The following RELN variants were observed in gnomAD, a reference collection of about 807,000 sequenced individuals.
RELN encodes reelin.
Under a neutral mutation model 427.6 loss-of-function variants are expected in RELN, and 108 were observed. The observed-to-expected ratio is 0.25, with a 90% CI of 0.22 to 0.30. The LOEUF is 0.30. Among genes scored for constraint, RELN ranks in the 10% least tolerant of loss-of-function variants. The pLI is 1.00. For synonymous variants in RELN, 1,524 were observed against 1,513.4 expected, an observed-to-expected ratio of 1.01 and a Z score of -0.16; for missense variants, 3,715 against 4,302.8, an observed-to-expected ratio of 0.86 and a Z score of 3.82.
At chr7:103,699,916 G>C (rs1834055780) in intron 9 of RELN, among the ~76,000 whole-genome samples, 1 of 151,962 alleles carries the variant, frequency 6.6e-6, no homozygotes, top group African/African-American at 2.4e-5. Context: ...TTTTTGGTTA[G>C]ACTAAAGATT....
At chr7:103,554,201 C>T (rs59188794) in intron 38 of RELN, among the ~76,000 whole-genome samples, 6,428 of 144,350 alleles carry the variant, frequency 0.045, 439 homozygotes, top group African/African-American at 0.15. Context: ...AAGAACCACA[C>T]AAACCACCCC....
intron 8 of RELN, among the ~76,000 whole-genome samples, chr7:103,709,354 T>C (rs1480414500): frequency 4.6e-5 from 7 of 152,176 alleles, no homozygotes; most frequent in African/African-American, 1.7e-4. Context: ...GGTGACAAAA[T>C]AAGCTACAAG....
intron 19 of RELN, among the ~76,000 whole-genome samples, chr7:103,631,074 AG>A (rs201913890): frequency 0.04 from 6,090 of 151,890 alleles, 167 homozygotes; most frequent in East Asian, 0.14. Context: ...AAAGTTATTT[AG>A]AAAAATAATT....
At chr7:103,744,157 A>G (rs1790751263) in intron 6 of RELN, among the ~76,000 whole-genome samples, 1 of 152,216 alleles carries the variant, frequency 6.6e-6, no homozygotes, top group African/African-American at 2.4e-5. Context: ...CTGCTCCTGA[A>G]TGACTACTGG....
intron 50 of RELN, among the ~76,000 whole-genome samples, chr7:103,512,371 T>C (rs1829447364): frequency 6.6e-6 from 1 of 152,358 alleles, no homozygotes; most frequent in African/African-American, 2.4e-5. Context: ...AATACTGTTA[T>C]AAATTTACCT....
intron 53 of RELN, among the ~76,000 whole-genome samples, chr7:103,500,029 C>T (rs1434895023): frequency 1.3e-5 from 2 of 152,108 alleles, no homozygotes. Flanking sequence ...AATGACAGAA[C>T]AGGTTTGATT....
intron 1 of RELN, among the ~76,000 whole-genome samples, chr7:103,975,340 C>G (rs1018025137): frequency 6.6e-6 from 1 of 151,978 alleles, no homozygotes; most frequent in Non-Finnish European, 1.5e-5. Flanking sequence ...GGAATAGAAG[C>G]AAAACAGGCA....
At chr7:103,970,296 C>A (rs1437972889) in intron 1 of RELN, among the ~76,000 whole-genome samples, 1 of 151,790 alleles carries the variant, frequency 6.6e-6, no homozygotes. Context: ...GCACATACCA[C>A]CATGCCGGGC....
chr7:103,511,048 A>G (rs1829394481), intron 50 of RELN, 43 bp from the exon 51 acceptor site: 1 of 1,502,416 alleles, frequency 6.7e-7, no homozygotes, highest in Non-Finnish European at 9.2e-7. Context: ...TTTGTGACAA[A>G]AATACTTGAA....
At chr7:103,762,055 C>T (rs202029039) in intron 4 of RELN, among the ~76,000 whole-genome samples, 1 of 146,528 alleles carries the variant, frequency 6.8e-6, no homozygotes, top group South Asian at 2.1e-4. Flanking sequence ...TTCTTTATTT[C>T]TTTATTTCTC....
intron 46 of RELN, among the ~76,000 whole-genome samples, chr7:103,524,350 G>A (rs1164069567): frequency 6.6e-6 from 1 of 152,106 alleles, no homozygotes. Flanking sequence ...AAAAAAGAGA[G>A]AGCATAATAA....
At chr7:103,586,028 T>C (rs1831261977) in intron 28 of RELN, among the ~76,000 whole-genome samples, 1 of 152,102 alleles carries the variant, frequency 6.6e-6, no homozygotes. Context: ...TGATACGATA[T>C]AAACCCTCAA....
At chr7:103,650,495 T>C in intron 15 of RELN, 112 bp from the exon 16 acceptor site, 1 of 756,896 alleles carries the variant, frequency 1.3e-6, no homozygotes, top group Non-Finnish European at 2.4e-6. Context: ...GCACTAAAGT[T>C]TACCAATAAA....
chr7:103,833,385 A>C, intron 3 of RELN, 152 bp downstream of exon 3: 1 of 782,978 alleles, frequency 1.3e-6, no homozygotes, highest in African/African-American at 1.7e-5. Flanking sequence ...TTTTTAAAAA[A>C]GTTTTTACCT....
intron 16 of RELN, among the ~76,000 whole-genome samples, chr7:103,644,214 G>A (rs1019708585): frequency 6.6e-6 from 1 of 151,716 alleles, no homozygotes; most frequent in Non-Finnish European, 1.5e-5. Flanking sequence ...AAAACAGAGT[G>A]TTAAAAAATC....
intron 2 of RELN, among the ~76,000 whole-genome samples, chr7:103,834,206 A>G (rs1490815380): frequency 6.6e-6 from 1 of 152,140 alleles, no homozygotes; most frequent in East Asian, 1.9e-4. Context: ...CAGTCTTTTC[A>G]CTGAGTATCT....
intron 63 of RELN, among the ~76,000 whole-genome samples, chr7:103,478,875 A>T (rs1219443911): frequency 6.6e-6 from 1 of 152,170 alleles, no homozygotes; most frequent in African/African-American, 2.4e-5. Flanking sequence ...TAATATGCTC[A>T]TTTCCGTAAA....
chr7:103,576,023 G>A (rs905724058), intron 28 of RELN, among the ~76,000 whole-genome samples: 1 of 152,040 alleles, frequency 6.6e-6, no homozygotes, highest in African/African-American at 2.4e-5. Context: ...ACAAGGTCAG[G>A]AGATTGAGAC....
At chr7:103,782,162 A>G (rs1162260192) in intron 3 of RELN, among the ~76,000 whole-genome samples, 2 of 152,182 alleles carry the variant, frequency 1.3e-5, no homozygotes, top group African/African-American at 4.8e-5. Flanking sequence ...CTCCAAAATG[A>G]AGAAAGTTCA....
Sources: gnomAD v4.1 joint callset for allele counts (sites outside exome capture counted in the v4.1 genomes callset) on GRCh38, gnomAD v4.1.1 for gene constraint, MANE v1.5 for transcripts, NCBI Gene and HGNC (gene_info 2026-07-23, HGNC 2026-07-21) for gene names.